The following FAM149A variants were observed in gnomAD, a reference collection of about 807,000 sequenced individuals.
The protein encoded by FAM149A is protein FAM149A.
A neutral mutation model predicts 78.2 loss-of-function variants in FAM149A; 71 were observed. The observed-to-expected ratio is 0.91, with a 90% confidence interval of 0.75 to 1.11. The LOEUF (loss-of-function observed/expected upper bound fraction) is 1.11, where lower values mean the gene tolerates loss of function less well. Among genes scored for constraint, FAM149A ranks in the 50% least tolerant of loss-of-function variants. The pLI, the probability that FAM149A is intolerant of heterozygous loss-of-function variation, is 0.00. For missense variants in FAM149A, 1,036 were observed against 971.0 expected, an observed-to-expected ratio of 1.07 and a Z score of -0.89; for synonymous variants, 446 against 410.5, an observed-to-expected ratio of 1.09 and a Z score of -1.04.
In FAM149A at chr4:186,105,827, A is replaced by T. The variant is rs375273346; in HGVS notation, c.566+185A>T. Among the ~76,000 whole-genome samples, 5 of 152,342 alleles carry T rather than the reference A, an allele frequency of 3.3e-5. No individual in the cohort carries two copies. In the East Asian group the frequency reaches 7.7e-4, roughly 23 times the overall value. ...ACTCCTTGGCTTTGCGGGCTTTCAG[A>T]CATAAGCTGTGACATGCTTTGTCCA... On this transcript the variant is annotated intron_variant, in intron 1 of 13. Transcript: ENST00000389354.
chr4:186,112,566 G>A (rs1213796981), intron 1 of FAM149A, among the ~76,000 whole-genome samples: 1 of 32,558 alleles, frequency 3.1e-5, no homozygotes, highest in Non-Finnish European at 7.1e-5. Context: ...TTTGAAATAC[G>A]TCCCATGAAT....
intron 1 of FAM149A, chr4:186,127,106 C>T (rs2099318643): frequency 1.0e-6 from 1 of 985,360 alleles, no homozygotes; most frequent in Non-Finnish European, 1.2e-6. Flanking sequence ...GCCCTGCCTT[C>T]CTGCCAGGCA....
At chr4:186,136,964 T>TCTCTTTCTCTTTCTCTCTCTCTCTCTCTC (rs2099323207) in intron 1 of FAM149A, among the ~76,000 whole-genome samples, 1 of 97,042 alleles carries the variant, frequency 1.0e-5, no homozygotes, top group African/African-American at 4.5e-5. Flanking sequence ...CTCTCTCTCT[T>TCTCTTTCTCTTTCTCTCTCTCTCTCTCTC]TCTCTCTCTC....
intron 3 of FAM149A, 102 bp downstream of exon 3, chr4:186,149,806 C>A: frequency 4.0e-6 from 3 of 745,432 alleles, no homozygotes; most frequent in Non-Finnish European, 5.6e-6. Context: ...AAAGCATGAC[C>A]TATTGCATAC....
intron 13 of FAM149A, 99 bp from the exon 14 acceptor site, chr4:186,171,815 A>ATATTT: frequency 7.7e-6 from 6 of 777,140 alleles, no homozygotes; most frequent in Non-Finnish European, 1.1e-5. Context: ...AATAAAATAT[A>ATATTT]TATTTTAAAG....
chr4:186,125,272 T>G, intron 1 of FAM149A: 1 of 985,442 alleles, frequency 1.0e-6, no homozygotes, highest in Non-Finnish European at 1.2e-6. Flanking sequence ...CTTGTTGTTT[T>G]GTGATATGTG....
chr4:186,158,036 T>C (rs1033637971), intron 8 of FAM149A: 1 of 1,408,892 alleles, frequency 7.1e-7, no homozygotes, highest in Non-Finnish European at 9.4e-7. Context: ...AGCGATGGCA[T>C]CTCTGTCATA....
intron 1 of FAM149A, among the ~76,000 whole-genome samples, chr4:186,139,522 T>C (rs572301115): frequency 2.0e-5 from 3 of 152,274 alleles, no homozygotes; most frequent in African/African-American, 7.2e-5. Context: ...GAAGGCACCA[T>C]CTAGGAAGCA....
intron 4 of FAM149A, among the ~76,000 whole-genome samples, chr4:186,152,832 C>A (rs1194320064): frequency 6.6e-6 from 1 of 152,140 alleles, no homozygotes; most frequent in African/African-American, 2.4e-5. Context: ...GCATGAGCCA[C>A]CGCGCCCGGC....
intron 1 of FAM149A, chr4:186,109,445 A>C: frequency 1.3e-5 from 13 of 980,518 alleles, no homozygotes; most frequent in Non-Finnish European, 1.6e-5. Flanking sequence ...TTCCTCTGAC[A>C]CTGAGGCAGC....
chr4:186,136,600 C>T (rs2099322799), intron 1 of FAM149A, among the ~76,000 whole-genome samples: 2 of 152,264 alleles, frequency 1.3e-5, no homozygotes, highest in South Asian at 4.1e-4. Flanking sequence ...TTATTGATTA[C>T]CTAGGACTTT....
intron 3 of FAM149A, chr4:186,151,056 G>A (rs1579882715): frequency 2.0e-6 from 2 of 985,194 alleles, no homozygotes; most frequent in African/African-American, 1.7e-5. Context: ...ATGGGAATCC[G>A]CTTCTGTCCG....
At chr4:186,106,002 G>T (rs2099308613) in intron 1 of FAM149A, among the ~76,000 whole-genome samples, 1 of 152,162 alleles carries the variant, frequency 6.6e-6, no homozygotes, top group African/African-American at 2.4e-5. Flanking sequence ...TAGCAGGTGT[G>T]CAGGGAAACC....
At chr4:186,163,007 G>A in intron 9 of FAM149A, 59 bp downstream of exon 9, 2 of 988,216 alleles carry the variant, frequency 2.0e-6, no homozygotes, top group Non-Finnish European at 3.2e-6. Flanking sequence ...AAACACTGGA[G>A]CACTGAAGAC....
At position 186,163,465 on chromosome 4, in the gene FAM149A, C is replaced by T. The variant is rs1288994031; in HGVS notation, c.1721C>T (p.Ala574Val). 7.4e-6 allele frequency: 12 copies of T among 1,613,954 alleles called. No individual in the cohort carries two copies. Among genetic ancestry groups the T allele is most frequent in the Non-Finnish European group, 1.0e-5 (12 of 1,180,016 alleles). ...AAAGCATCGGGTGGAGGGGCAGGTG[C>T]TCTCTCCTCCGCACCGCACAGACTG... The change falls in exon 10 of 14, where the codon GCT becomes GTT. Residue 574 changes from alanine (A) to valine (V), a missense_variant. Physicochemically the swap from Ala to Val is moderately conservative, Grantham distance 64. Transcript: ENST00000389354.
At position 186,162,830 on chromosome 4, in the gene FAM149A, TTTTA is replaced by T; in HGVS notation, c.1576-14_1576-11del. 1.9e-6 allele frequency: 2 copies of T among 1,052,148 alleles called. No individual in the cohort carries two copies. The highest frequency in any genetic ancestry group is 2.8e-6 in the Non-Finnish European group (2 of 705,096). 65.2% of individuals were successfully genotyped at this position (1,052,148 alleles called of 1,614,324 possible). ...TAATTCTTTTTTTTTTTTTTTTTTT[TTTTA>T]CTGTTCTCAGATTCATCACTTCTCC... On this transcript the variant is annotated splice_polypyrimidine_tract_variant and intron_variant, in intron 8 of 13. Coordinates refer to ENST00000389354, the MANE Select transcript of FAM149A (RefSeq NM_001367768.3).
chr4:186,132,934 C>T (rs1394264473), intron 1 of FAM149A: 4 of 978,002 alleles, frequency 4.1e-6, no homozygotes, highest in Admixed American at 6.2e-5. Flanking sequence ...AGCCCTGAAC[C>T]CCCAGTGTGA....
chr4:186,171,730 A>G (rs1473136590), intron 13 of FAM149A, among the ~76,000 whole-genome samples, 184 bp from the exon 14 acceptor site: 1 of 152,242 alleles, frequency 6.6e-6, no homozygotes, highest in African/African-American at 2.4e-5. Context: ...GGGGGAGCAC[A>G]CTTCCTTTTC....
intron 1 of FAM149A, chr4:186,131,810 C>A: frequency 1.2e-6 from 1 of 824,414 alleles, no homozygotes; most frequent in Non-Finnish European, 1.5e-6. Context: ...TGCTAACAGA[C>A]AAAATAATTG....
Sources: allele counts gnomAD v4.1 joint callset (sites outside exome capture counted in the v4.1 genomes callset), GRCh38; gene constraint gnomAD v4.1.1; transcripts MANE v1.5; gene names NCBI Gene and HGNC (gene_info 2026-07-23, HGNC 2026-07-21).